CPM: variants seen among roughly 807,000 people sequenced by gnomAD.
CPM encodes the protein renal carboxypeptidase.
In CPM, 35 loss-of-function variants were observed where a neutral mutation model predicts 46.4. The observed-to-expected ratio is 0.75, with a 90% CI of 0.58 to 1.00. The LOEUF (loss-of-function observed/expected upper bound fraction) is 1.00. Among genes scored for constraint, CPM ranks in the 50% least tolerant of loss-of-function variants. The pLI, the probability that CPM is intolerant of heterozygous loss-of-function variation, is 0.00. For synonymous variants in CPM, 195 were observed against 195.3 expected (o/e 1.00, Z 0.01); for missense variants, 422 against 530.4 (o/e 0.80, Z 2.01).
At chr12:68,848,079 T>C (rs1884453309), downstream of CPM, 1 of 152,242 alleles carries the variant, frequency 6.6e-6, no homozygotes, top group Non-Finnish European at 1.5e-5. Flanking sequence ...CAATGAGCTA[T>C]GATTGCGCCA....
chr12:68,896,893 G>A (rs531485269), intron 2 of CPM, among the ~76,000 whole-genome samples: 1 of 151,544 alleles, frequency 6.6e-6, no homozygotes, highest in Admixed American at 6.6e-5. Flanking sequence ...CTAAATTAGG[G>A]ACAGTTACGT....
intron 1 of CPM, among the ~76,000 whole-genome samples, chr12:68,953,507 CA>C (rs1369828224): frequency 6.6e-6 from 1 of 152,150 alleles, no homozygotes; most frequent in Non-Finnish European, 1.5e-5. Flanking sequence ...CCATAATTTA[CA>C]AAATACCTAC....
At chr12:68,944,817 G>T (rs1477787078) in intron 1 of CPM, among the ~76,000 whole-genome samples, 1 of 152,010 alleles carries the variant, frequency 6.6e-6, no homozygotes, top group Non-Finnish European at 1.5e-5. Flanking sequence ...CAGACGTTAG[G>T]ATTTTTAAAG....
intron 2 of CPM, among the ~76,000 whole-genome samples, chr12:68,928,340 C>T (rs551318064): frequency 6.6e-6 from 1 of 152,168 alleles, no homozygotes; most frequent in African/African-American, 2.4e-5. Context: ...GAAACTGGAT[C>T]CCTTCCTTAC....
chr12:68,885,993 C>T (rs139781545), intron 2 of CPM, 104 bp from the exon 3 acceptor site: 10 of 894,378 alleles, frequency 1.1e-5, no homozygotes, highest in African/African-American at 6.7e-5. Flanking sequence ...CCCACTTGAT[C>T]GCCTGTTTCA....
In CPM at chr12:68,946,943, G is replaced by A. The variant is rs148622110; in HGVS notation, c.-3-14103C>T. On this transcript the variant is annotated intron_variant, in intron 1 of 8. Coordinates refer to the CPM transcript ENST00000546373. Reference sequence around the variant, plus strand: ...CTGAAAAACACAAAGAATAAGCAACGTTTTAAGCAAAAAATCATAAAAAGA... The same window carrying A: ...CTGAAAAACACAAAGAATAAGCAACATTTTAAGCAAAAAATCATAAAAAGA... Among the ~76,000 whole-genome samples the A allele has an allele frequency of 2.1e-3, 318 of 152,262 alleles. 1 individual carries two copies. The highest frequency in any genetic ancestry group is 6.8e-3 in the African/African-American group (282 of 41,558).
At chr12:68,924,803 A>G (rs1337032243) in intron 2 of CPM, among the ~76,000 whole-genome samples, 1 of 152,162 alleles carries the variant, frequency 6.6e-6, no homozygotes, top group Non-Finnish European at 1.5e-5. Context: ...GTTGTGCCAA[A>G]ATTTTATATA....
intron 3 of CPM, among the ~76,000 whole-genome samples, chr12:68,876,864 TGTG>T (rs1447722789): frequency 6.6e-6 from 1 of 151,064 alleles, no homozygotes; most frequent in Non-Finnish European, 1.5e-5. Flanking sequence ...GGCAGTGTTG[TGTG>T]GTGTGTGTGT....
intron 1 of CPM, 146 bp from the exon 2 acceptor site, chr12:68,932,986 CT>C (rs1408844884): frequency 3.0e-6 from 2 of 669,590 alleles, no homozygotes; most frequent in Non-Finnish European, 4.9e-6. Context: ...GAAGCAACAC[CT>C]TCGGGAGTGA....
intron 1 of CPM, among the ~76,000 whole-genome samples, chr12:68,941,451 GT>G (rs1222614977): frequency 2.0e-5 from 3 of 152,096 alleles, no homozygotes; most frequent in Admixed American, 2.0e-4. Context: ...ACAGCTCACT[GT>G]AGCCTTAACC....
At chr12:68,896,050 C>T (rs1160124109) in intron 2 of CPM, among the ~76,000 whole-genome samples, 1 of 152,296 alleles carries the variant, frequency 6.6e-6, no homozygotes, top group South Asian at 2.1e-4. Context: ...TTCTTCCTGC[C>T]TTGGGTTTCC....
intron 1 of CPM, among the ~76,000 whole-genome samples, chr12:68,945,802 A>T (rs1386438528): frequency 2.6e-5 from 4 of 151,968 alleles, no homozygotes; most frequent in African/African-American, 9.6e-5. Flanking sequence ...AGGCTCACAA[A>T]CAATGGACAA....
chr12:68,866,789 G>T, intron 7 of CPM, 107 bp downstream of exon 7: 3 of 916,144 alleles, frequency 3.3e-6, no homozygotes, highest in Non-Finnish European at 5.1e-6. Context: ...CTGAAATGAG[G>T]CTATAACTAC....
rs1337503535 is a variant in CPM, at chr12:68,853,002, G to A, written c.*3435C>T. On this transcript the variant is annotated 3_prime_UTR_variant, in exon 9 of 9. Transcript: ENST00000551568. ...CACCAGCCCAAGAGGGAGGGGAAAAGCCGGAAAGGCGTTGGGCAGGGAGGT... is the reference window on the plus strand; with the variant it reads ...CACCAGCCCAAGAGGGAGGGGAAAAACCGGAAAGGCGTTGGGCAGGGAGGT... 1 of 152,348 alleles carries A rather than the reference G, an allele frequency of 6.6e-6. No individual in the cohort carries two copies. The highest frequency in any genetic ancestry group is 1.5e-5 in the Non-Finnish European group (1 of 68,058). 9.4% of individuals were successfully genotyped at this position (152,348 alleles called of 1,614,324 possible).
chr12:68,927,642 G>T lies in CPM; in HGVS notation c.160+5036C>A, dbSNP rs531999852. Reference sequence around the variant, plus strand: ...TTTTAGACATGAAGTCCTTGCCCGTGCCTATGTCCTGAATGGTAATGCCTA... The same window carrying T: ...TTTTAGACATGAAGTCCTTGCCCGTTCCTATGTCCTGAATGGTAATGCCTA... On this transcript the variant is annotated intron_variant, in intron 2 of 8. Coordinates refer to ENST00000551568, the MANE Select transcript of CPM (RefSeq NM_198320.5). Among the ~76,000 whole-genome samples, 172 of 152,180 alleles carry T rather than the reference G, an allele frequency of 1.1e-3. 1 individual carries two copies. Among genetic ancestry groups the T allele is most frequent in the African/African-American group, 3.4e-3 (142 of 41,518 alleles).
intron 2 of CPM, among the ~76,000 whole-genome samples, chr12:68,911,662 G>A (rs1429469628): frequency 6.6e-6 from 1 of 152,228 alleles, no homozygotes; most frequent in Non-Finnish European, 1.5e-5. Flanking sequence ...TGTAACTGCA[G>A]TAAGAGTAGC....
intron 2 of CPM, among the ~76,000 whole-genome samples, chr12:68,895,740 G>A (rs1018334789): frequency 6.6e-6 from 1 of 152,188 alleles, no homozygotes; most frequent in Non-Finnish European, 1.5e-5. Context: ...AGCACTTTGG[G>A]AGGCCGAGGC....
At chr12:68,861,198 C>G (rs554524124) in intron 7 of CPM, among the ~76,000 whole-genome samples, 1 of 152,188 alleles carries the variant, frequency 6.6e-6, no homozygotes, top group South Asian at 2.1e-4. Context: ...CTTTCCTTTC[C>G]TCTTATTTGG....
At chr12:68,900,541 A>G (rs1045004486) in intron 2 of CPM, among the ~76,000 whole-genome samples, 3 of 152,232 alleles carry the variant, frequency 2.0e-5, no homozygotes, top group Non-Finnish European at 4.4e-5. Flanking sequence ...TATTTAACAA[A>G]ATAAACTGAA....
Sources: allele counts gnomAD v4.1 joint callset (sites outside exome capture counted in the v4.1 genomes callset), GRCh38; gene constraint gnomAD v4.1.1; transcripts MANE v1.5; gene names NCBI Gene and HGNC (gene_info 2026-07-23, HGNC 2026-07-21).